MRPL39: variants seen among roughly 807,000 people sequenced by gnomAD.
The protein encoded by MRPL39 is mitochondrial ribosomal protein L39, also known as large ribosomal subunit protein mL39.
Under a neutral mutation model 44.5 loss-of-function variants are expected in MRPL39, and 35 were observed. The ratio of observed to expected loss-of-function variants is 0.79; its 90% CI spans 0.60 to 1.04. MRPL39 has a LOEUF of 1.04. MRPL39 is among the 50% of genes least tolerant of loss of function. The pLI is 0.00. For synonymous variants in MRPL39, 139 were observed against 136.1 expected (o/e 1.02, Z -0.15); for missense variants, 433 against 413.5 (o/e 1.05, Z -0.41).
At chr21:25,601,103 G>A (rs886514324) in intron 4 of MRPL39, among the ~76,000 whole-genome samples, 27 of 152,068 alleles carry the variant, frequency 1.8e-4, no homozygotes, top group African/African-American at 1.4e-4. Context: ...GTGAAACTCC[G>A]TCTCAAATAA....
At chr21:25,593,215 G>A (rs945820056) in intron 7 of MRPL39, among the ~76,000 whole-genome samples, 2 of 152,064 alleles carry the variant, frequency 1.3e-5, no homozygotes, top group African/African-American at 4.8e-5. Flanking sequence ...TAAGAGTCAC[G>A]CAACACATCA....
intron 9 of MRPL39, among the ~76,000 whole-genome samples, chr21:25,588,587 T>C (rs904669855): frequency 1.3e-5 from 2 of 152,234 alleles, no homozygotes; most frequent in Non-Finnish European, 2.9e-5. Flanking sequence ...AATATTCTTA[T>C]TTCTCTTCAA....
chr21:25,595,289 C>T (rs2123237356), intron 6 of MRPL39, among the ~76,000 whole-genome samples: 1 of 152,300 alleles, frequency 6.6e-6, no homozygotes, highest in South Asian at 2.1e-4. Flanking sequence ...ATACTTATCC[C>T]TCCTGACCCA....
intron 9 of MRPL39, chr21:25,587,890 G>T: frequency 2.3e-6 from 2 of 860,688 alleles, no homozygotes; most frequent in Non-Finnish European, 3.8e-6. Context: ...TTGTGGCATT[G>T]TGGGAAATTA....
intron 9 of MRPL39, 136 bp from the exon 10 acceptor site, chr21:25,585,890 G>A (rs1378657112): frequency 3.2e-6 from 2 of 617,222 alleles, no homozygotes; most frequent in Middle Eastern, 2.6e-4. Context: ...TAGAAAGTTA[G>A]GTAAGAAGAA....
chr21:25,604,215 C>T (rs531450600), intron 2 of MRPL39, among the ~76,000 whole-genome samples: 2 of 151,948 alleles, frequency 1.3e-5, no homozygotes, highest in African/African-American at 4.8e-5. Context: ...GCCGAGATCA[C>T]GCCACTGCAT....
Position 25,599,875 on chromosome 21 carries a change from C to G in MRPL39, c.521-9G>C, listed in dbSNP as rs188499349. ...GAAGGCACCAGAAATTACTGTAAAT[C>G]CAACCAAAATAAAAAGCAAAGTCAA... On this transcript the variant is annotated splice_polypyrimidine_tract_variant and intron_variant, in intron 4 of 9. Coordinates refer to ENST00000352957, the MANE Select transcript of MRPL39 (RefSeq NM_017446.4). 1.9e-6 allele frequency: 3 copies of G among 1,611,190 alleles called. No homozygotes were observed. The highest frequency in any genetic ancestry group is 4.5e-5 in the East Asian group (2 of 44,808).
intron 9 of MRPL39, among the ~76,000 whole-genome samples, chr21:25,587,439 A>T (rs17001141): frequency 0.044 from 6,643 of 152,284 alleles, 213 homozygotes; most frequent in East Asian, 0.096. Flanking sequence ...GAAGTCCCTA[A>T]ACAATAATTC....
At chr21:25,597,973 A>G (rs1311346198) in intron 5 of MRPL39, among the ~76,000 whole-genome samples, 3 of 152,204 alleles carry the variant, frequency 2.0e-5, no homozygotes, top group Non-Finnish European at 4.4e-5. Flanking sequence ...AAGAATACAC[A>G]TTAACAATGT....
intron 2 of MRPL39, among the ~76,000 whole-genome samples, chr21:25,605,794 C>T (rs1223921758): frequency 6.6e-6 from 1 of 152,148 alleles, no homozygotes; most frequent in African/African-American, 2.4e-5. Context: ...GTCCCAGCTA[C>T]TTCGTAGGCT....
At chr21:25,607,627 T>C, upstream of MRPL39, 1 of 750,838 alleles carries the variant, frequency 1.3e-6, no homozygotes, top group Non-Finnish European at 2.1e-6. Context: ...TCGCTGGGGA[T>C]TCAGTGGCTG....
chr21:25,604,064 A>G, intron 2 of MRPL39, 129 bp from the exon 3 acceptor site: 4 of 868,212 alleles, frequency 4.6e-6, no homozygotes, highest in Non-Finnish European at 7.0e-6. Flanking sequence ...AGAGAAAAAA[A>G]GTATATTACG....
chr21:25,585,673 AT>A lies in MRPL39; in HGVS notation c.*33del, dbSNP rs771740427. 20 of 1,147,214 alleles carry A rather than the reference AT, an allele frequency of 1.7e-5. No individual in the cohort carries two copies. The highest frequency in any genetic ancestry group is 2.4e-5 in the Non-Finnish European group (19 of 806,238). The allele number at this position is 1,147,214 out of a possible 1,614,324, so 71.1% of individuals were successfully genotyped here. A position where few individuals can be genotyped will look rare whatever the true frequency, so the allele number is the denominator to read the frequency against. ...CACAAACATTATATTTAAAACATTT[AT>A]TTTATTATACATATTTAAATTTTAG... On this transcript the variant is annotated 3_prime_UTR_variant, in exon 10 of 10. Transcript: ENST00000352957.
At chr21:25,595,831 C>A (rs1365167396) in intron 6 of MRPL39, among the ~76,000 whole-genome samples, 1 of 152,076 alleles carries the variant, frequency 6.6e-6, no homozygotes, top group Non-Finnish European at 1.5e-5. Context: ...TTCTTTTGGG[C>A]AGCATGTGCC....
At chr21:25,603,077 T>C (rs943966876) in intron 3 of MRPL39, among the ~76,000 whole-genome samples, 5 of 152,216 alleles carry the variant, frequency 3.3e-5, no homozygotes, top group Non-Finnish European at 7.4e-5. Flanking sequence ...TCTACTATGA[T>C]TGTTAAGTTT....
At chr21:25,589,783 C>T (rs2031113925) in intron 8 of MRPL39, among the ~76,000 whole-genome samples, 1 of 150,802 alleles carries the variant, frequency 6.6e-6, no homozygotes, top group Admixed American at 6.6e-5. Context: ...CAAACCCTTC[C>T]AGGGAAAGAG....
At chr21:25,594,645 T>A (rs1330685615) in intron 6 of MRPL39, among the ~76,000 whole-genome samples, 1 of 152,092 alleles carries the variant, frequency 6.6e-6, no homozygotes, top group African/African-American at 2.4e-5. Flanking sequence ...GAGAATTCTA[T>A]CCTACACCCT....
At chr21:25,594,646 C>A (rs1198386608) in intron 6 of MRPL39, among the ~76,000 whole-genome samples, 1 of 152,050 alleles carries the variant, frequency 6.6e-6, no homozygotes, top group African/African-American at 2.4e-5. Context: ...AGAATTCTAT[C>A]CTACACCCTC....
At chr21:25,591,091 A>C (rs55968124) in intron 8 of MRPL39, among the ~76,000 whole-genome samples, 4 of 84,526 alleles carry the variant, frequency 4.7e-5, no homozygotes, top group South Asian at 3.3e-4. Context: ...AAAAAAAAAA[A>C]AAAAAAAAAA....
Sources: gnomAD v4.1 joint callset for allele counts (sites outside exome capture counted in the v4.1 genomes callset) on GRCh38, gnomAD v4.1.1 for gene constraint, MANE v1.5 for transcripts, NCBI Gene and HGNC (gene_info 2026-07-23, HGNC 2026-07-21) for gene names.